Variants in IP6K3 observed in about 807,000 individuals in gnomAD.
IP6K3 encodes ATP:1D-myo-inositol-hexakisphosphate phosphotransferase.
IP6K3 carries 20 observed loss-of-function variants against 28.8 expected under a neutral mutation model. That is an observed-to-expected ratio of 0.70 (90% confidence interval 0.49 to 1.01). The LOEUF (loss-of-function observed/expected upper bound fraction) is 1.01. IP6K3 is among the 50% of genes least tolerant of loss of function. The pLI, the probability that IP6K3 is intolerant of heterozygous loss-of-function variation, is 0.00. For synonymous variants in IP6K3, 213 were observed against 221.3 expected, an observed-to-expected ratio of 0.96 and a Z score of 0.33; for missense variants, 480 against 537.1, an observed-to-expected ratio of 0.89 and a Z score of 1.05.
intron 1 of IP6K3, among the ~76,000 whole-genome samples, chr6:33,740,999 G>A (rs544542768): frequency 6.6e-5 from 10 of 152,350 alleles, no homozygotes; most frequent in Admixed American, 3.9e-4. Flanking sequence ...CTGTGAGAAT[G>A]TGGTATGATT....
In IP6K3 at chr6:33,726,713, G is replaced by C; in HGVS notation, c.589+18C>G. 6.4e-7 allele frequency: 1 copy of C among 1,559,184 alleles called. No homozygotes were observed. The highest frequency in any genetic ancestry group is 8.7e-7 in the Non-Finnish European group (1 of 1,143,326). On this transcript the variant is annotated intron_variant, in intron 4 of 5. Coordinates refer to ENST00000293756, the MANE Select transcript of IP6K3 (RefSeq NM_054111.5). Reference sequence around the variant, plus strand: ...GCCCCGCCCTTGGGACCACATGTGAGGGGGATGGCAAGGATACGATGCCGC... The same window carrying C: ...GCCCCGCCCTTGGGACCACATGTGACGGGGATGGCAAGGATACGATGCCGC...
the IP6K3 span, among the ~76,000 whole-genome samples, chr6:33,760,093 G>A: frequency 5.9e-5 from 9 of 152,176 alleles, no homozygotes; most frequent in African/African-American, 2.2e-4. Flanking sequence ...CCGCACTAAG[G>A]GGTTAATTGC....
chr6:33,731,172 C>T (rs1271503467), intron 2 of IP6K3, among the ~76,000 whole-genome samples: 4 of 152,184 alleles, frequency 2.6e-5, no homozygotes, highest in South Asian at 2.1e-4. Flanking sequence ...ACCCCGAGGC[C>T]TCCTAGCTGC....
intron 2 of IP6K3, among the ~76,000 whole-genome samples, 186 bp downstream of exon 2, chr6:33,735,092 C>T (rs622917): frequency 0.49 from 74,173 of 152,052 alleles, 19,678 homozygotes; most frequent in African/African-American, 0.68. Context: ...CATTACACTC[C>T]AGACCTGGAG....
chr6:33,744,402 C>A lies in IP6K3; in HGVS notation c.-180+2356G>T, dbSNP rs765243309. 2.0e-5 allele frequency among the ~76,000 whole-genome samples: 3 copies of A among 152,164 alleles called. No individual in the cohort carries two copies. The highest frequency in any genetic ancestry group is 4.4e-5 in the Non-Finnish European group (3 of 68,030). Reference sequence around the variant, plus strand: ...AAGGTGTTGCCAGCGGTTAGCATGGCAGTTTTATGGTTGCAAGATGGAACA... The same window carrying A: ...AAGGTGTTGCCAGCGGTTAGCATGGAAGTTTTATGGTTGCAAGATGGAACA... On this transcript the variant is annotated intron_variant, in intron 1 of 5. Coordinates refer to ENST00000293756, the MANE Select transcript of IP6K3 (RefSeq NM_054111.5). The surrounding 1 kb of genome is among the most constrained non-coding windows in gnomAD (Gnocchi z 4.4).
At position 33,722,623 on chromosome 6, in the gene IP6K3, A is replaced by C; in HGVS notation, c.*97T>G. The C allele has an allele frequency of 7.7e-6, 6 of 775,122 alleles. No individual in the cohort carries two copies. In the South Asian group the frequency reaches 8.5e-5, roughly 11 times the overall value. 48.0% of individuals were successfully genotyped at this position (775,122 alleles called of 1,614,324 possible). A position where few individuals can be genotyped will look rare whatever the true frequency, so the allele number is the denominator to read the frequency against. ...GTTTTTGAAGGTAGATAGGACTATTATGAAGACATCTAAGGGGTGTCTGGA... is the reference window on the plus strand; with the variant it reads ...GTTTTTGAAGGTAGATAGGACTATTCTGAAGACATCTAAGGGGTGTCTGGA... On this transcript the variant is annotated 3_prime_UTR_variant, in exon 6 of 6. Transcript: ENST00000293756.
At chr6:33,737,383 C>G (rs902708448) in intron 1 of IP6K3, among the ~76,000 whole-genome samples, 1 of 152,204 alleles carries the variant, frequency 6.6e-6, no homozygotes, top group Non-Finnish European at 1.5e-5. Context: ...GTGCCTGTCA[C>G]CACCGAGTTA....
intron 2 of IP6K3, among the ~76,000 whole-genome samples, chr6:33,734,234 C>T (rs575748720): frequency 6.7e-5 from 10 of 150,032 alleles, no homozygotes; most frequent in African/African-American, 2.5e-4. Flanking sequence ...AAGAGAATTC[C>T]TGACCCTCAC....
At chr6:33,760,950 T>C in the IP6K3 span, among the ~76,000 whole-genome samples, 13 of 151,270 alleles carry the variant, frequency 8.6e-5, no homozygotes, top group Admixed American at 2.6e-4. Flanking sequence ...AGACTACGCA[T>C]CCTCTTCTCT....
rs191765589 is a variant in IP6K3, at chr6:33,745,852, G to A, written c.-180+906C>T. Among the ~76,000 whole-genome samples, 307 of 152,252 alleles carry A rather than the reference G, an allele frequency of 2.0e-3. 1 individual carries two copies. Among genetic ancestry groups the A allele is most frequent in the African/African-American group, 6.6e-3 (275 of 41,526 alleles). On this transcript the variant is annotated intron_variant, in intron 1 of 5. Transcript: ENST00000293756. The stretch of plus-strand genomic sequence containing the variant: ...GTAGCGTATTCAATGAAACAAATAC[G>A]ACAAAACTCGGGCCACTGCTGAAAT...
At chr6:33,725,892 C>A (rs556243665) in intron 4 of IP6K3, among the ~76,000 whole-genome samples, 1 of 152,076 alleles carries the variant, frequency 6.6e-6, no homozygotes, top group Non-Finnish European at 1.5e-5. Context: ...GAAATTTAAA[C>A]GCAAGTGTGA....
chr6:33,728,028 G>C (rs1766179745), intron 3 of IP6K3, 59 bp downstream of exon 3: 7 of 1,576,660 alleles, frequency 4.4e-6, no homozygotes, highest in Non-Finnish European at 6.0e-6. Context: ...GCACAGGTGG[G>C]AGCAGTGCCG....
the IP6K3 span, among the ~76,000 whole-genome samples, chr6:33,756,916 T>C: frequency 1.3e-5 from 2 of 152,262 alleles, no homozygotes; most frequent in Non-Finnish European, 2.9e-5. Context: ...GGGGCACTTG[T>C]AGGTTCGTGC....
chr6:33,750,247 C>T (rs962678512), upstream of IP6K3, among the ~76,000 whole-genome samples: 16 of 152,244 alleles, frequency 1.1e-4, no homozygotes, highest in African/African-American at 3.9e-4. The surrounding 1 kb of genome is among the most constrained non-coding windows in gnomAD (Gnocchi z 4.3). Flanking sequence ...TACAAGCCTG[C>T]TCCTACAAGC....
chr6:33,760,817 C>A, the IP6K3 span, among the ~76,000 whole-genome samples: 1 of 152,092 alleles, frequency 6.6e-6, no homozygotes, highest in Non-Finnish European at 1.5e-5. Flanking sequence ...TGAGCCATCG[C>A]GCCTGGGCCC....
chr6:33,727,764 T>G, intron 3 of IP6K3: 1 of 913,800 alleles, frequency 1.1e-6, no homozygotes, highest in South Asian at 5.0e-5. Flanking sequence ...TTTTGTGTAC[T>G]TCCTCCCCAG....
intron 5 of IP6K3, among the ~76,000 whole-genome samples, chr6:33,724,035 G>A (rs1263481088): frequency 6.6e-6 from 1 of 152,230 alleles, no homozygotes; most frequent in Non-Finnish European, 1.5e-5. Flanking sequence ...ACCTAGAAGG[G>A]GCAGCCTGTG....
Position 33,733,006 on chromosome 6 carries a change from C to A in IP6K3, c.199+2272G>T, listed in dbSNP as rs559480741. ...GCTTGGGCAGTGGCCCTGTGTGAGTCGTGTTCTGGTCAGTGAGTGAATCAG... is the reference window on the plus strand; with the variant it reads ...GCTTGGGCAGTGGCCCTGTGTGAGTAGTGTTCTGGTCAGTGAGTGAATCAG... On this transcript the variant is annotated intron_variant, in intron 2 of 5. Transcript: ENST00000293756. Among the ~76,000 whole-genome samples, 26 of 152,358 alleles carry A rather than the reference C, an allele frequency of 1.7e-4. 1 individual carries two copies. The South Asian group carries it at 5.4e-3, about 32-fold the overall frequency.
intron 2 of IP6K3, among the ~76,000 whole-genome samples, chr6:33,733,250 C>T (rs1253126178): frequency 6.6e-6 from 1 of 152,250 alleles, no homozygotes; most frequent in Non-Finnish European, 1.5e-5. Context: ...GACGCCTTGG[C>T]TCAAATTAAT....
Sources: allele counts gnomAD v4.1 joint callset (sites outside exome capture counted in the v4.1 genomes callset), GRCh38; gene constraint gnomAD v4.1.1; non-coding constraint Gnocchi (gnomAD v3.1); transcripts MANE v1.5; gene names NCBI Gene and HGNC (gene_info 2026-07-23, HGNC 2026-07-21).